Variants in SCG3 observed in about 807,000 individuals in gnomAD.
SCG3 encodes secretogranin III.
In SCG3, 38 loss-of-function variants were observed where a neutral mutation model predicts 56.2. The ratio of observed to expected loss-of-function variants is 0.68; its 90% CI spans 0.52 to 0.89. SCG3 has a LOEUF of 0.89. Ranked by LOEUF, SCG3 falls within the 40% of genes least tolerant of loss-of-function variation. SCG3 has a pLI of 0.00. For missense variants in SCG3, 524 were observed against 540.7 expected (o/e 0.97, Z 0.31); for synonymous variants, 176 against 184.2 (o/e 0.96, Z 0.36).
intron 4 of SCG3, among the ~76,000 whole-genome samples, chr15:51,687,854 C>T (rs1351957228): frequency 6.6e-6 from 1 of 152,168 alleles, no homozygotes; most frequent in Admixed American, 6.5e-5. Flanking sequence ...ACCAAACTAT[C>T]TATTCCCTGT....
At chr15:51,682,225 G>A (rs1326062627) in intron 1 of SCG3, among the ~76,000 whole-genome samples, 3 of 151,662 alleles carry the variant, frequency 2.0e-5, no homozygotes, top group Non-Finnish European at 2.9e-5. Context: ...CTCTCTAGCT[G>A]AGAATAGCTG....
intron 11 of SCG3, among the ~76,000 whole-genome samples, chr15:51,718,207 C>T (rs62015067): frequency 0.026 from 1,564 of 59,028 alleles, 29 homozygotes; most frequent in African/African-American, 0.074. Flanking sequence ...GATAGACAGA[C>T]AGACAGACAG....
intron 11 of SCG3, among the ~76,000 whole-genome samples, chr15:51,714,078 G>C (rs922954717): frequency 2.6e-5 from 4 of 152,188 alleles, no homozygotes; most frequent in African/African-American, 7.2e-5. Flanking sequence ...TGGAGGCAGA[G>C]CGAACACTAG....
intron 6 of SCG3, among the ~76,000 whole-genome samples, chr15:51,690,036 G>C (rs1289040832): frequency 6.6e-6 from 1 of 152,034 alleles, no homozygotes; most frequent in East Asian, 1.9e-4. Context: ...AGTTCTTTTG[G>C]TATCCAACAT....
rs375465277 is a variant in SCG3 at position 51,692,428 on chromosome 15, A to G, written c.868+92A>G. On this transcript the variant is annotated intron_variant, in intron 7 of 11. Transcript: ENST00000220478. ...TCTTTTCTTCCTGTTTTCAGTTTCC[A>G]AATGTAATCTCCAATGACATACACT... 26 of 1,232,378 alleles carry G rather than the reference A, an allele frequency of 2.1e-5. No individual in the cohort carries two copies. The East Asian group carries it at 2.3e-4, about 11-fold the overall frequency. The allele number at this position is 1,232,378 out of a possible 1,614,324, so 76.3% of individuals were successfully genotyped here. A position where few individuals can be genotyped will look rare whatever the true frequency, so the allele number is the denominator to read the frequency against.
intron 7 of SCG3, among the ~76,000 whole-genome samples, chr15:51,694,122 ATT>A (rs2055286493): frequency 6.6e-6 from 1 of 151,560 alleles, no homozygotes; most frequent in African/African-American, 2.4e-5. Context: ...CTCATTTCTT[ATT>A]GTCTTTATTT....
chr15:51,696,984 G>A (rs2055308030), intron 8 of SCG3, among the ~76,000 whole-genome samples: 1 of 152,114 alleles, frequency 6.6e-6, no homozygotes, highest in Admixed American at 6.5e-5. Flanking sequence ...CTAAATGAAA[G>A]TAGTTTTACT....
In SCG3 at chr15:51,695,891, G is replaced by A; in HGVS notation, c.885G>A (p.Glu295=). Residue 295 remains glutamate, a synonymous_variant, in exon 8 of 12, where the codon GAG becomes GAA. Transcript: ENST00000220478. ...TTCATATAGAAAAAGAAGCAAAAGAGAAAGAAACACTGATTACTATCATGA... is the reference window on the plus strand; with the variant it reads ...TTCATATAGAAAAAGAAGCAAAAGAAAAAGAAACACTGATTACTATCATGA... ...KSIDSEKEAK[E]KETLITIMKT... The A allele has an allele frequency of 6.2e-7, 1 of 1,600,126 alleles. No homozygotes were observed. Among genetic ancestry groups the A allele is most frequent in the Non-Finnish European group, 8.5e-7 (1 of 1,169,760 alleles).
At chr15:51,707,853 C>T (rs2055386037) in intron 10 of SCG3, 1 of 152,184 alleles carries the variant, frequency 6.6e-6, no homozygotes, top group South Asian at 2.1e-4. Context: ...GTAATCTTGA[C>T]ATAATTTTAA....
At chr15:51,709,717 T>TTA (rs2055406085) in intron 10 of SCG3, among the ~76,000 whole-genome samples, 1 of 50,192 alleles carries the variant, frequency 2.0e-5, no homozygotes, top group Non-Finnish European at 4.0e-5. Context: ...TTTTTTTTTT[T>TTA]TTTTTTTTTT....
chr15:51,699,511 T>C, intron 9 of SCG3, 109 bp downstream of exon 9: 1 of 823,666 alleles, frequency 1.2e-6, no homozygotes, highest in African/African-American at 1.8e-5. Flanking sequence ...TTGAAAAGTG[T>C]TAAAATCTGA....
intron 4 of SCG3, among the ~76,000 whole-genome samples, chr15:51,685,866 C>T (rs1004541058): frequency 2.6e-5 from 4 of 152,096 alleles, no homozygotes; most frequent in Admixed American, 2.0e-4. Context: ...TGTATGCATT[C>T]GAATATTTAT....
Position 51,683,315 on chromosome 15 carries a change from C to T in SCG3, c.278C>T (p.Ser93Phe), listed in dbSNP as rs1296519504. ...EKEKIEKERQSIRSSPLDNKL... is the reference protein window; with the variant it reads ...EKEKIEKERQFIRSSPLDNKL... ...GAAAAAATTGAGAAAGAAAGACAAT[C>T]TATAAGAAGCTCCCCACTTGATAAT... Residue 93 changes from serine to phenylalanine, a missense_variant, in exon 4 of 12, where the codon TCT becomes TTT. Physicochemically the swap from Ser to Phe is radical, Grantham distance 155. Transcript: ENST00000220478. 7 of 1,613,302 alleles carry T rather than the reference C, an allele frequency of 4.3e-6. No individual in the cohort carries two copies. The highest frequency in any genetic ancestry group is 5.9e-6 in the Non-Finnish European group (7 of 1,179,402).
At chr15:51,696,441 T>G (rs2055304123) in intron 8 of SCG3, among the ~76,000 whole-genome samples, 1 of 152,024 alleles carries the variant, frequency 6.6e-6, no homozygotes, top group South Asian at 2.1e-4. Flanking sequence ...TTCCAGCTAC[T>G]CAGGAGGCTG....
intron 9 of SCG3, among the ~76,000 whole-genome samples, chr15:51,700,117 C>T (rs1488946708): frequency 6.6e-6 from 1 of 152,132 alleles, no homozygotes; most frequent in African/African-American, 2.4e-5. Context: ...GCATAGTATA[C>T]AGCCCTTTAA....
chr15:51,682,798 C>G (rs896943928), intron 2 of SCG3, among the ~76,000 whole-genome samples: 1 of 151,974 alleles, frequency 6.6e-6, no homozygotes, highest in Non-Finnish European at 1.5e-5. Flanking sequence ...ATATAATAAC[C>G]CAGTAAGCTC....
In SCG3 at chr15:51,692,166, T is replaced by A. The variant is rs147938991; in HGVS notation, c.698T>A (p.Met233Lys). 57 of 1,607,346 alleles carry A rather than the reference T, an allele frequency of 3.5e-5. No individual in the cohort carries two copies. The African/African-American group carries it at 7.0e-4, about 20-fold the overall frequency. The stretch of plus-strand genomic sequence containing the variant: ...GATTTTTCCCCACTGGAGACTCCAA[T>A]GGCAGCAATTCAAGATGGTCTTGCT... The part of the protein sequence containing the change: ...AGKIPEKVTP[M>K]AAIQDGLAKG... The change falls in exon 7 of 12, where the codon ATG (methionine) becomes AAG (lysine). Residue 233 changes from methionine (M) to lysine (K), a missense_variant. Coordinates refer to ENST00000220478, the MANE Select transcript of SCG3 (RefSeq NM_013243.4).
intron 4 of SCG3, among the ~76,000 whole-genome samples, chr15:51,686,434 A>C (rs1266745440): frequency 6.6e-6 from 1 of 152,202 alleles, no homozygotes; most frequent in Non-Finnish European, 1.5e-5. Context: ...CAGTCATCTC[A>C]GTTATTTTCC....
intron 8 of SCG3, among the ~76,000 whole-genome samples, chr15:51,697,132 CTGTGTGTG>C (rs3078107): frequency 2.1e-5 from 3 of 145,924 alleles, no homozygotes; most frequent in Non-Finnish European, 4.5e-5. Flanking sequence ...AGATGTTATT[CTGTGTGTG>C]TGTGTGTGTG....
Sources: gnomAD v4.1 joint callset for allele counts (sites outside exome capture counted in the v4.1 genomes callset) on GRCh38, gnomAD v4.1.1 for gene constraint, MANE v1.5 for transcripts, NCBI Gene and HGNC (gene_info 2026-07-23, HGNC 2026-07-21) for gene names.